ABCA13: variants seen among roughly 807,000 people sequenced by gnomAD.
ABCA13 encodes ATP binding cassette subfamily A member 13, also known as ATP-binding cassette sub-family A member 13.
A neutral mutation model predicts 478.7 loss-of-function variants in ABCA13; 476 were observed. The ratio of observed to expected loss-of-function variants is 0.99; its 90% CI spans 0.92 to 1.07. The LOEUF (loss-of-function observed/expected upper bound fraction) is 1.07, where lower values mean the gene tolerates loss of function less well. Among genes scored for constraint, ABCA13 ranks in the 50% least tolerant of loss-of-function variants. ABCA13 has a pLI of 0.00. For missense variants in ABCA13, 6,060 were observed against 5,910.6 expected (o/e 1.03, Z -0.83); for synonymous variants, 2,252 against 2,158.9 (o/e 1.04, Z -1.20).
intron 15 of ABCA13, 83 bp downstream of exon 15, chr7:48,249,434 A>G (rs1792195220): frequency 6.4e-6 from 10 of 1,560,842 alleles, no homozygotes; most frequent in South Asian, 6.1e-5. Flanking sequence ...AGTCCATCCT[A>G]TTTAACAAAG....
At position 48,278,416 on chromosome 7, in the gene ABCA13, G is replaced by A. The variant is rs1381858724; in HGVS notation, c.7222G>A (p.Asp2408Asn). 6.2e-7 allele frequency: 1 copy of A among 1,613,786 alleles called. No homozygotes were observed. Among genetic ancestry groups the A allele is most frequent in the East Asian group, 2.2e-5 (1 of 44,878 alleles). The change falls in exon 18 of 62, where the codon GAT becomes AAT. Residue 2408 changes from aspartate (D) to asparagine (N), a missense_variant. By Grantham distance (23) the Asp-to-Asn change is conservative. Transcript: ENST00000435803. ...TGAGGACCTCTTCAAACTCAATCAA[G>A]ATCTTGGGTCAGCTCTTCACCTTGT... Reference protein sequence around the residue: ...KSEDLFKLNQDLGSALHLVRE... With the variant: ...KSEDLFKLNQNLGSALHLVRE...
At chr7:48,304,396 C>T (rs1355354306) in intron 23 of ABCA13, among the ~76,000 whole-genome samples, 1 of 152,228 alleles carries the variant, frequency 6.6e-6, no homozygotes, top group East Asian at 1.9e-4. Flanking sequence ...GAGAAATCCC[C>T]ACACTGCTTT....
At chr7:48,542,467 T>A (rs1177505921) in intron 55 of ABCA13, among the ~76,000 whole-genome samples, 2 of 151,708 alleles carry the variant, frequency 1.3e-5, no homozygotes, top group Non-Finnish European at 3.0e-5. Flanking sequence ...ATTATTATCT[T>A]TTGTGTCATC....
rs1792169056 is a variant in ABCA13, at chr7:48,249,306, G to A, written c.1960G>A (p.Ala654Thr). Residue 654 changes from alanine (A) to threonine (T), a missense_variant, in exon 15 of 62, where the codon GCC becomes ACC. By Grantham distance (58) the Ala-to-Thr change is moderately conservative. Around this residue, in one of 3 missense-constraint regions of ABCA13, gnomAD observed 4,423 missense variants for 4,309.1 expected, o/e 1.03. Coordinates refer to ENST00000435803, the MANE Select transcript of ABCA13 (RefSeq NM_152701.5). ...GTTTATCAGGAAGACTTGCGAAGTG[G>A]CCCAATATGTAAATATGCAAGAGAG... The part of the protein sequence containing the change: ...KKFIRKTCEV[A>T]QYVNMQESFQ... 1.9e-6 allele frequency: 3 copies of A among 1,613,126 alleles called. No individual in the cohort carries two copies. Among genetic ancestry groups the A allele is most frequent in the Non-Finnish European group, 2.5e-6 (3 of 1,179,456 alleles).
At chr7:48,226,547 AC>A (rs1788232247) in intron 5 of ABCA13, among the ~76,000 whole-genome samples, 1 of 152,200 alleles carries the variant, frequency 6.6e-6, no homozygotes, top group African/African-American at 2.4e-5. Context: ...TGCAGGACTC[AC>A]TTTTATTGAA....
At chr7:48,407,985 A>G (rs1166723192) in intron 39 of ABCA13, among the ~76,000 whole-genome samples, 3 of 152,184 alleles carry the variant, frequency 2.0e-5, no homozygotes, top group Non-Finnish European at 4.4e-5. Flanking sequence ...CCAATGCTCC[A>G]CAGATACCAA....
intron 38 of ABCA13, among the ~76,000 whole-genome samples, chr7:48,394,894 A>C (rs564548992): frequency 3.3e-5 from 5 of 152,184 alleles, no homozygotes; most frequent in African/African-American, 7.2e-5. Flanking sequence ...AATAAGCTCT[A>C]CTGGGGGGTG....
chr7:48,264,732 T>G (rs565703397), intron 15 of ABCA13, among the ~76,000 whole-genome samples: 1 of 151,776 alleles, frequency 6.6e-6, no homozygotes, highest in Non-Finnish European at 1.5e-5. Context: ...GACTGTCTTT[T>G]CATTCTTCTT....
chr7:48,332,942 T>C (rs1435058006), intron 27 of ABCA13, among the ~76,000 whole-genome samples: 1 of 152,194 alleles, frequency 6.6e-6, no homozygotes, highest in East Asian at 1.9e-4. Context: ...TCATATTGAG[T>C]GTTTGCTAAG....
At chr7:48,561,163 A>T (rs1343498553) in intron 55 of ABCA13, among the ~76,000 whole-genome samples, 2 of 152,030 alleles carry the variant, frequency 1.3e-5, no homozygotes, top group Admixed American at 6.6e-5. Context: ...ATGCAGGTTG[A>T]TTCCATAACT....
intron 29 of ABCA13, among the ~76,000 whole-genome samples, chr7:48,347,135 GATACCTCAATACTTCTAGCAGGTA>G (rs1236220842): frequency 6.6e-6 from 1 of 152,138 alleles, no homozygotes; most frequent in Non-Finnish European, 1.5e-5. Context: ...TCCAGAACCT[GATACCTCAATACTTCTAGCAGGTA>G]CTAGGTGGTG....
intron 48 of ABCA13, among the ~76,000 whole-genome samples, chr7:48,504,417 G>A (rs1046131143): frequency 1.4e-4 from 22 of 152,254 alleles, no homozygotes; most frequent in African/African-American, 5.3e-4. Context: ...TGGAGTTCAC[G>A]TGAAAGTAAC....
At chr7:48,596,094 A>G (rs1004792105) in intron 58 of ABCA13, among the ~76,000 whole-genome samples, 7 of 152,266 alleles carry the variant, frequency 4.6e-5, no homozygotes, top group Non-Finnish European at 1.0e-4. Context: ...CTCAGCATGC[A>G]TAATCCTATT....
chr7:48,609,449 G>T (rs777425633), intron 58 of ABCA13, among the ~76,000 whole-genome samples: 24 of 152,148 alleles, frequency 1.6e-4, no homozygotes, highest in Non-Finnish European at 3.1e-4. Context: ...AAAAAGTCTC[G>T]TATTGGACAT....
intron 43 of ABCA13, among the ~76,000 whole-genome samples, chr7:48,461,817 C>T (rs567405375): frequency 1.3e-5 from 2 of 152,278 alleles, no homozygotes; most frequent in East Asian, 3.9e-4. Context: ...CCTCAGTTGG[C>T]ACAACCTAGC....
chr7:48,388,360 G>A (rs550242118), intron 36 of ABCA13, among the ~76,000 whole-genome samples: 78 of 152,292 alleles, frequency 5.1e-4, no homozygotes, highest in African/African-American at 1.8e-3. Context: ...CACCCATGCT[G>A]GTTTATTCAG....
intron 37 of ABCA13, among the ~76,000 whole-genome samples, chr7:48,389,950 AAGGT>A (rs1292231705): frequency 6.6e-5 from 10 of 152,256 alleles, no homozygotes; most frequent in African/African-American, 2.4e-4. Context: ...CTTAATAAGA[AAGGT>A]AGAAAAATAA....
chr7:48,273,174 A>T lies in ABCA13; in HGVS notation c.3508A>T (p.Asn1170Tyr), dbSNP rs750414143. 97 of 1,613,560 alleles carry T rather than the reference A, an allele frequency of 6.0e-5. No homozygotes were observed. Among genetic ancestry groups the T allele is most frequent in the Non-Finnish European group, 7.4e-5 (87 of 1,179,738 alleles). Residue 1170 changes from asparagine (N) to tyrosine (Y), a missense_variant, in exon 17 of 62, where the codon AAT (asparagine) becomes TAT (tyrosine). Physicochemically the swap from Asn to Tyr is moderately radical, Grantham distance 143 (BLOSUM62 -2). Transcript: ENST00000435803. ...TISQLFKFDM[N>Y]VFTSLHHGFT... ...ATCTCAATTATTTAAGTTTGACATGAATGTTTTCACATCTCTTCATCATGG... is the reference window on the plus strand; with the variant it reads ...ATCTCAATTATTTAAGTTTGACATGTATGTTTTCACATCTCTTCATCATGG...
rs368063808 is a variant in ABCA13, at chr7:48,387,988, A to G, written c.11473+29A>G. 5.4e-5 allele frequency: 85 copies of G among 1,582,436 alleles called. No individual in the cohort carries two copies. The African/African-American group carries it at 1.1e-3, about 21-fold the overall frequency. ...TGTAAGGAGTAGAATTATTAGATGCATGTATTTTTCCTTTGATCCATTTTG... is the reference window on the plus strand; with the variant it reads ...TGTAAGGAGTAGAATTATTAGATGCGTGTATTTTTCCTTTGATCCATTTTG... On this transcript the variant is annotated intron_variant, in intron 36 of 61. Transcript: ENST00000435803.
Sources: allele counts gnomAD v4.1 joint callset (sites outside exome capture counted in the v4.1 genomes callset), GRCh38; gene constraint gnomAD v4.1.1; regional missense constraint gnomAD v4.1.1; transcripts MANE v1.5; gene names NCBI Gene and HGNC (gene_info 2026-07-23, HGNC 2026-07-21).